The following SNX7 variants were observed in gnomAD, a reference collection of about 807,000 sequenced individuals.
SNX7 encodes sorting nexin 7, also known as sorting nexin-7.
In SNX7, 35 loss-of-function variants were observed where a neutral mutation model predicts 48.4. The observed-to-expected ratio is 0.72, with a 90% CI of 0.55 to 0.96. The LOEUF (loss-of-function observed/expected upper bound fraction) is 0.96, where lower values mean the gene tolerates loss of function less well. SNX7 is among the 40% of genes least tolerant of loss of function. The pLI, the probability that SNX7 is intolerant of heterozygous loss-of-function variation, is 0.00. For missense variants in SNX7, 553 were observed against 548.9 expected, an observed-to-expected ratio of 1.01 and a Z score of -0.07; for synonymous variants, 190 against 190.2, an observed-to-expected ratio of 1.00 and a Z score of 0.01.
intron 2 of SNX7, among the ~76,000 whole-genome samples, chr1:98,690,238 TTAAA>T (rs1651038737): frequency 6.6e-6 from 1 of 152,102 alleles, no homozygotes; most frequent in Non-Finnish European, 1.5e-5. Context: ...AAAAATTCAG[TTAAA>T]TAAGGTATTG....
At chr1:98,739,595 G>T (rs1430857112) in intron 8 of SNX7, among the ~76,000 whole-genome samples, 1 of 152,146 alleles carries the variant, frequency 6.6e-6, no homozygotes, top group East Asian at 1.9e-4. Flanking sequence ...ATAAGGTTCG[G>T]TATAGAAAGA....
chr1:98,672,930 C>CAG (rs1319348428), intron 1 of SNX7, among the ~76,000 whole-genome samples: 3 of 88,528 alleles, frequency 3.4e-5, no homozygotes, highest in African/African-American at 4.5e-5. Flanking sequence ...GACTCCGTCT[C>CAG]AAAAAAAAAA....
chr1:98,693,652 T>C (rs1454695677), intron 4 of SNX7, among the ~76,000 whole-genome samples: 2 of 152,216 alleles, frequency 1.3e-5, no homozygotes, highest in African/African-American at 4.8e-5. Context: ...ATGTATTGCC[T>C]GGTCAAGGAT....
At chr1:98,727,256 T>G (rs1279166251) in intron 7 of SNX7, among the ~76,000 whole-genome samples, 2 of 152,154 alleles carry the variant, frequency 1.3e-5, no homozygotes, top group Non-Finnish European at 2.9e-5. Context: ...ACCAAATTTA[T>G]TTTGCAAACC....
chr1:98,714,516 T>A (rs1431124566), intron 7 of SNX7, among the ~76,000 whole-genome samples: 1 of 152,128 alleles, frequency 6.6e-6, no homozygotes, highest in Non-Finnish European at 1.5e-5. Context: ...TGATTAGTGC[T>A]ATAAAGAGAA....
At chr1:98,759,481 C>A (rs1296319963) in intron 8 of SNX7, among the ~76,000 whole-genome samples, 1 of 152,042 alleles carries the variant, frequency 6.6e-6, no homozygotes, top group Non-Finnish European at 1.5e-5. Context: ...ATAACTAAGT[C>A]TTTCCACCCA....
intron 4 of SNX7, among the ~76,000 whole-genome samples, chr1:98,692,523 G>A (rs1651196498): frequency 6.6e-6 from 1 of 152,000 alleles, no homozygotes; most frequent in Non-Finnish European, 1.5e-5. Context: ...TATTATTTCA[G>A]GTTTATAGTA....
intron 1 of SNX7, among the ~76,000 whole-genome samples, chr1:98,663,475 TGTC>T (rs902015360): frequency 6.6e-6 from 1 of 152,020 alleles, no homozygotes; most frequent in Admixed American, 6.5e-5. Flanking sequence ...GAGGTCCTCT[TGTC>T]AGAGGCAGAT....
chr1:98,720,928 AT>A (rs1652835914), intron 7 of SNX7, among the ~76,000 whole-genome samples: 2 of 152,256 alleles, frequency 1.3e-5, no homozygotes, highest in African/African-American at 4.8e-5. Flanking sequence ...TGAAAGAAAC[AT>A]CAGGGGAATT....
At chr1:98,733,435 CT>C (rs1184095929) in intron 7 of SNX7, among the ~76,000 whole-genome samples, 1 of 152,116 alleles carries the variant, frequency 6.6e-6, no homozygotes, top group Non-Finnish European at 1.5e-5. Flanking sequence ...CACTTGTCCT[CT>C]GTGAAAAGAC....
intron 4 of SNX7, among the ~76,000 whole-genome samples, chr1:98,694,150 C>T (rs1280981669): frequency 6.6e-6 from 1 of 151,268 alleles, no homozygotes; most frequent in African/African-American, 2.4e-5. Context: ...GCGGGCGGAT[C>T]ACAAGGTCAG....
chr1:98,754,366 T>A (rs1654741476), intron 8 of SNX7, among the ~76,000 whole-genome samples: 1 of 152,068 alleles, frequency 6.6e-6, no homozygotes. Flanking sequence ...TTGGACAGCA[T>A]CCCCATGTCT....
rs115382786 is a variant in SNX7 at position 98,735,112 on chromosome 1, G to T, written c.1126-3125G>T. Among the ~76,000 whole-genome samples, 3 of 152,066 alleles carry T rather than the reference G, an allele frequency of 2.0e-5. No individual in the cohort carries two copies. In the South Asian group the frequency reaches 6.2e-4, roughly 32 times the overall value. On this transcript the variant is annotated intron_variant, in intron 7 of 8. Coordinates refer to ENST00000306121, the MANE Select transcript of SNX7 (RefSeq NM_015976.5). Reference sequence around the variant, plus strand: ...TATTCTCCCCCTCAGATTAACTTTTGTTGAGTATATTTGTTCTTTTAGAAC... The same window carrying T: ...TATTCTCCCCCTCAGATTAACTTTTTTTGAGTATATTTGTTCTTTTAGAAC...
chr1:98,702,449 T>C (rs1361137515), intron 7 of SNX7, among the ~76,000 whole-genome samples: 2 of 152,166 alleles, frequency 1.3e-5, no homozygotes, highest in Non-Finnish European at 1.5e-5. Flanking sequence ...GCTTCATTAA[T>C]TCTCACCATT....
intron 7 of SNX7, among the ~76,000 whole-genome samples, chr1:98,703,848 T>C (rs942631388): frequency 6.6e-6 from 1 of 152,044 alleles, no homozygotes; most frequent in African/African-American, 2.4e-5. Flanking sequence ...ATATCGAAGT[T>C]AGTGGTTAGA....
chr1:98,716,144 G>A (rs1652579253), intron 7 of SNX7, among the ~76,000 whole-genome samples: 1 of 151,906 alleles, frequency 6.6e-6, no homozygotes, highest in Non-Finnish European at 1.5e-5. Flanking sequence ...AACCAATCCT[G>A]TATAGCCCAA....
intron 7 of SNX7, among the ~76,000 whole-genome samples, chr1:98,708,451 C>T (rs1652128127): frequency 6.6e-6 from 1 of 152,156 alleles, no homozygotes; most frequent in African/African-American, 2.4e-5. Context: ...AGCTACAATA[C>T]ACACCCAGTT....
At chr1:98,729,353 G>A (rs9434437) in intron 7 of SNX7, among the ~76,000 whole-genome samples, 84,000 of 151,912 alleles carry the variant, frequency 0.55, 24,263 homozygotes, top group Non-Finnish European at 0.64. Context: ...CAAAAACGTA[G>A]CATCTCAACT....
At position 98,694,066 on chromosome 1, in the gene SNX7, C is replaced by T. The variant is rs573730060; in HGVS notation, c.640-1452C>T. ...AGGTTAAGTATGAAATAACTAGTTT[C>T]GTATCTTATTACAAGTTTTCTCAGC... On this transcript the variant is annotated intron_variant, in intron 4 of 8. Transcript: ENST00000306121. Among the ~76,000 whole-genome samples, 9 of 152,256 alleles carry T rather than the reference C, an allele frequency of 5.9e-5. No homozygotes were observed. The East Asian group carries it at 1.2e-3, about 20-fold the overall frequency.
Sources: allele counts gnomAD v4.1 joint callset (sites outside exome capture counted in the v4.1 genomes callset), GRCh38; gene constraint gnomAD v4.1.1; transcripts MANE v1.5; gene names NCBI Gene and HGNC (gene_info 2026-07-23, HGNC 2026-07-21).